The following BMAL2 variants were observed in gnomAD, a reference collection of about 807,000 sequenced individuals.
BMAL2 encodes basic helix-loop-helix ARNT like 2, also known as basic helix-loop-helix ARNT-like protein 2.
chr12:27,422,344 C>T, the BMAL2 span: 1 of 152,086 alleles, frequency 6.6e-6, no homozygotes, highest in African/African-American at 2.4e-5. Context: ...CCCTCAGAGC[C>T]CCTCGCCAAA....
the BMAL2 span, among the ~76,000 whole-genome samples, chr12:27,415,030 C>T: frequency 1.3e-5 from 2 of 151,846 alleles, no homozygotes; most frequent in African/African-American, 4.8e-5. Flanking sequence ...AAAAAGCTGA[C>T]TAAATAAAAA....
the BMAL2 span, among the ~76,000 whole-genome samples, chr12:27,406,243 C>T: frequency 7.9e-5 from 12 of 152,004 alleles, no homozygotes; most frequent in Non-Finnish European, 1.3e-4. Flanking sequence ...ATACAGAGAA[C>T]GCCACAAAGA....
chr12:27,400,927 G>A, the BMAL2 span, among the ~76,000 whole-genome samples: 2 of 152,078 alleles, frequency 1.3e-5, no homozygotes, highest in African/African-American at 4.8e-5. Flanking sequence ...GGACATGTCA[G>A]TAAATTTGCT....
At chr12:27,365,620 G>GA in the BMAL2 span, among the ~76,000 whole-genome samples, 2 of 151,748 alleles carry the variant, frequency 1.3e-5, no homozygotes, top group African/African-American at 4.8e-5. Flanking sequence ...AAATTCTATA[G>GA]AAAATGTTTC....
At chr12:27,368,425 G>C in the BMAL2 span, 3 of 1,613,782 alleles carry the variant, frequency 1.9e-6, no homozygotes, top group South Asian at 1.1e-5. Flanking sequence ...AAGTGAATTT[G>C]GTCCTCTAAC....
the BMAL2 span, chr12:27,415,819 C>A: frequency 7.7e-7 from 1 of 1,298,536 alleles, no homozygotes; most frequent in Non-Finnish European, 1.1e-6. Context: ...GAGAAAATTT[C>A]CTTCTAAAAT....
At chr12:27,333,388 G>C in the BMAL2 span, among the ~76,000 whole-genome samples, 1 of 152,222 alleles carries the variant, frequency 6.6e-6, no homozygotes, top group African/African-American at 2.4e-5. Context: ...CCCGGGCCGG[G>C]CGCATTGGCG....
At chr12:27,351,912 A>C in the BMAL2 span, among the ~76,000 whole-genome samples, 3 of 152,168 alleles carry the variant, frequency 2.0e-5, no homozygotes, top group Admixed American at 2.0e-4. Flanking sequence ...GTAAAACTAA[A>C]GCAAACAATA....
At chr12:27,333,152 C>T in the BMAL2 span, 1 of 1,201,506 alleles carries the variant, frequency 8.3e-7, no homozygotes, top group Non-Finnish European at 1.0e-6. Context: ...CGCGCGGCGT[C>T]TGACGCGCTG....
chr12:27,390,433 C>T, the BMAL2 span: 1 of 568,068 alleles, frequency 1.8e-6, no homozygotes, highest in Non-Finnish European at 3.0e-6. Flanking sequence ...CAGGTAATTA[C>T]ATATTATCTT....
the BMAL2 span, among the ~76,000 whole-genome samples, chr12:27,408,495 C>T: frequency 6.6e-6 from 1 of 152,200 alleles, no homozygotes; most frequent in African/African-American, 2.4e-5. Flanking sequence ...ACAAAAACCA[C>T]ATGATTAACT....
At chr12:27,373,185 G>A in the BMAL2 span, among the ~76,000 whole-genome samples, 297 of 152,284 alleles carry the variant, frequency 2.0e-3, 1 homozygote, top group Non-Finnish European at 2.6e-3. Context: ...GACAGGAAGG[G>A]CAGGGAAAGG....
At chr12:27,363,918 C>T in the BMAL2 span, among the ~76,000 whole-genome samples, 1 of 152,038 alleles carries the variant, frequency 6.6e-6, no homozygotes, top group Non-Finnish European at 1.5e-5. Context: ...TTTCTTAGTC[C>T]ATTGATGCTG....
At chr12:27,399,430 T>C in the BMAL2 span, among the ~76,000 whole-genome samples, 733 of 152,344 alleles carry the variant, frequency 4.8e-3, 2 homozygotes, top group Non-Finnish European at 8.5e-3. Flanking sequence ...AGCTCCATCC[T>C]GTACCTGGTG....
the BMAL2 span, chr12:27,425,277 C>T: frequency 6.6e-6 from 1 of 151,198 alleles, no homozygotes; most frequent in African/African-American, 2.4e-5. Flanking sequence ...TAATAAACTT[C>T]CTCCAAAAAG....
chr12:27,366,956 G>C, the BMAL2 span, among the ~76,000 whole-genome samples: 1 of 152,094 alleles, frequency 6.6e-6, no homozygotes, highest in Non-Finnish European at 1.5e-5. Flanking sequence ...TCTTACCCAT[G>C]GCGGATACAT....
At chr12:27,374,398 G>A in the BMAL2 span, among the ~76,000 whole-genome samples, 8,334 of 152,242 alleles carry the variant, frequency 0.055, 767 homozygotes, top group African/African-American at 0.19. Flanking sequence ...GTAATCTAGA[G>A]ATGATTTAAA....
chr12:27,351,184 C>T, the BMAL2 span, among the ~76,000 whole-genome samples: 1 of 152,040 alleles, frequency 6.6e-6, no homozygotes, highest in Admixed American at 6.6e-5. Flanking sequence ...GATGGAGTCT[C>T]ACTGTGTTGC....
At chr12:27,369,533 G>A in the BMAL2 span, among the ~76,000 whole-genome samples, 2 of 152,206 alleles carry the variant, frequency 1.3e-5, no homozygotes, top group Non-Finnish European at 2.9e-5. Context: ...AGTTGATGAA[G>A]TGACAGTCTT....
Sources: gnomAD v4.1 joint callset for allele counts (sites outside exome capture counted in the v4.1 genomes callset) on GRCh38, gnomAD v4.1.1 for gene constraint, MANE v1.5 for transcripts, NCBI Gene and HGNC (gene_info 2026-07-23, HGNC 2026-07-21) for gene names.